Variants in IMMP2L observed in about 807,000 individuals in gnomAD.
IMMP2L encodes the protein inner mitochondrial membrane peptidase subunit 2.
IMMP2L carries 18 observed loss-of-function variants against 19.3 expected under a neutral mutation model. The ratio of observed to expected loss-of-function variants is 0.93; its 90% CI spans 0.64 to 1.38. The LOEUF (loss-of-function observed/expected upper bound fraction) is 1.38, where lower values mean the gene tolerates loss of function less well. Ranked by LOEUF, IMMP2L falls within the 40% of genes most tolerant of loss-of-function variation. The pLI, the probability that IMMP2L is intolerant of heterozygous loss-of-function variation, is 0.00. For synonymous variants in IMMP2L, 76 were observed against 73.0 expected (o/e 1.04, Z -0.21); for missense variants, 233 against 218.2 (o/e 1.07, Z -0.43).
chr7:111,172,881 G>T (rs1158888991), intron 3 of IMMP2L, among the ~76,000 whole-genome samples: 1 of 151,526 alleles, frequency 6.6e-6, no homozygotes, highest in Non-Finnish European at 1.5e-5. Flanking sequence ...CTTGAAATTG[G>T]CAAAATGGCA....
intron 3 of IMMP2L, among the ~76,000 whole-genome samples, chr7:111,152,824 C>T (rs1288675909): frequency 6.6e-6 from 1 of 152,104 alleles, no homozygotes; most frequent in East Asian, 1.9e-4. Context: ...TCTATCTCTA[C>T]TGAATTATGA....
At chr7:111,474,342 T>G (rs1841532205) in intron 3 of IMMP2L, among the ~76,000 whole-genome samples, 2 of 152,100 alleles carry the variant, frequency 1.3e-5, no homozygotes, top group South Asian at 4.2e-4. Context: ...AAATTACTTT[T>G]TTTAAAGTCC....
At chr7:110,971,026 C>A (rs1304449428) in intron 3 of IMMP2L, among the ~76,000 whole-genome samples, 3 of 152,100 alleles carry the variant, frequency 2.0e-5, no homozygotes, top group Non-Finnish European at 4.4e-5. Context: ...CAAACCATAT[C>A]CATTGCCATC....
intron 3 of IMMP2L, among the ~76,000 whole-genome samples, chr7:111,212,087 C>G (rs1811382757): frequency 3.3e-5 from 5 of 152,022 alleles, no homozygotes; most frequent in Admixed American, 3.3e-4. Context: ...TTAAATCATC[C>G]TAAGCATTTG....
chr7:111,417,327 C>A (rs112826759), intron 3 of IMMP2L, among the ~76,000 whole-genome samples: 2 of 151,688 alleles, frequency 1.3e-5, no homozygotes, highest in African/African-American at 4.9e-5. Flanking sequence ...GGGTGGAGGG[C>A]GTCACAGTGA....
chr7:111,139,852 G>C (rs984464767), intron 3 of IMMP2L, among the ~76,000 whole-genome samples: 13 of 152,094 alleles, frequency 8.5e-5, no homozygotes, highest in African/African-American at 2.9e-4. Flanking sequence ...CCCAGCAAAA[G>C]GAAAAACTAG....
At chr7:111,496,378 T>C (rs990685174) in intron 2 of IMMP2L, among the ~76,000 whole-genome samples, 3 of 152,112 alleles carry the variant, frequency 2.0e-5, no homozygotes, top group Admixed American at 2.0e-4. Context: ...TGATGGTTAA[T>C]TTTAGGTGTC....
chr7:111,493,526 C>A (rs1036400241), intron 2 of IMMP2L, among the ~76,000 whole-genome samples: 2 of 149,660 alleles, frequency 1.3e-5, no homozygotes, highest in East Asian at 2.0e-4. Context: ...CACGGTGAAA[C>A]CCCGTCTCTA....
At chr7:110,755,326 A>G (rs1797975176) in intron 5 of IMMP2L, among the ~76,000 whole-genome samples, 2 of 152,108 alleles carry the variant, frequency 1.3e-5, no homozygotes, top group South Asian at 4.1e-4. Flanking sequence ...GAAAAATAAA[A>G]CTAGCTGCCA....
intron 3 of IMMP2L, among the ~76,000 whole-genome samples, chr7:111,275,808 A>C (rs1315063064): frequency 6.6e-6 from 1 of 152,026 alleles, no homozygotes; most frequent in Non-Finnish European, 1.5e-5. Flanking sequence ...AGCTATTGTA[A>C]ATGGGATTGT....
rs759867388 is a variant in IMMP2L, at chr7:110,839,627, C to T, written c.408+46966G>A. On this transcript the variant is annotated intron_variant, in intron 5 of 5. Transcript: ENST00000405709. ...GCACATAAATGCTTAAACGTGTGCACATATATTTTAATTAATATTAAACAC... is the reference window on the plus strand; with the variant it reads ...GCACATAAATGCTTAAACGTGTGCATATATATTTTAATTAATATTAAACAC... 4.9e-4 allele frequency among the ~76,000 whole-genome samples: 74 copies of T among 151,902 alleles called. 1 individual carries two copies. Among genetic ancestry groups the T allele is most frequent in the Non-Finnish European group, 1.2e-4 (8 of 67,986 alleles).
intron 3 of IMMP2L, among the ~76,000 whole-genome samples, chr7:111,451,714 A>G (rs76746676): frequency 1.9e-5 from 2 of 103,756 alleles, no homozygotes; most frequent in East Asian, 4.4e-4. Context: ...AAGTATAATT[A>G]AAAAAAAAAA....
chr7:111,218,443 T>A (rs1812186033), intron 3 of IMMP2L, among the ~76,000 whole-genome samples: 1 of 144,474 alleles, frequency 6.9e-6, no homozygotes, highest in Admixed American at 7.0e-5. Flanking sequence ...CACCATATTT[T>A]CAAAAGTTTT....
rs1881166 is a variant in IMMP2L, at chr7:110,757,537, C to T, written c.409-93816G>A. Reference sequence around the variant, plus strand: ...GTGGGCTCCTTTGCCCTCTGGCTTCCGATTTGGTACACATAATGAGGATCC... The same window carrying T: ...GTGGGCTCCTTTGCCCTCTGGCTTCTGATTTGGTACACATAATGAGGATCC... On this transcript the variant is annotated intron_variant, in intron 5 of 5. Transcript: ENST00000405709. The surrounding 1 kb of genome is among the most constrained non-coding windows in gnomAD (Gnocchi z 4.2). Among the ~76,000 whole-genome samples the T allele has an allele frequency of 0.96, 146,150 of 152,086 alleles. 70,235 individuals carry two copies. Among genetic ancestry groups the T allele is most frequent in the East Asian group, 0.98 (5,001 of 5,120 alleles).
intron 5 of IMMP2L, among the ~76,000 whole-genome samples, chr7:110,841,948 A>T (rs528730603): frequency 7.0e-4 from 106 of 152,314 alleles, no homozygotes; most frequent in Non-Finnish European, 1.3e-3. Context: ...TCAAATTTAT[A>T]AAGTACACTC....
At chr7:111,490,093 C>T (rs1370012996) in intron 2 of IMMP2L, among the ~76,000 whole-genome samples, 1 of 149,260 alleles carries the variant, frequency 6.7e-6, no homozygotes, top group Non-Finnish European at 1.5e-5. Context: ...ACCACGCCTG[C>T]CCTCTTTTTT....
At chr7:110,930,697 T>C (rs552111320) in intron 4 of IMMP2L, among the ~76,000 whole-genome samples, 2 of 152,298 alleles carry the variant, frequency 1.3e-5, no homozygotes, top group Non-Finnish European at 2.9e-5. Flanking sequence ...TAGAAGATGG[T>C]AGAATTGCCA....
At chr7:110,672,936 C>T (rs954774636) in intron 5 of IMMP2L, among the ~76,000 whole-genome samples, 6 of 152,146 alleles carry the variant, frequency 3.9e-5, no homozygotes, top group Non-Finnish European at 8.8e-5. Context: ...GTGGATCTAC[C>T]ATTTTGGGGT....
chr7:110,986,615 A>G (rs79685033), intron 3 of IMMP2L, among the ~76,000 whole-genome samples: 3,822 of 152,254 alleles, frequency 0.025, 133 homozygotes, highest in African/African-American at 0.086. Context: ...TCCAGCTAAC[A>G]GAATTTTTAA....
Sources: gnomAD v4.1 joint callset for allele counts (sites outside exome capture counted in the v4.1 genomes callset) on GRCh38, gnomAD v4.1.1 for gene constraint, Gnocchi (gnomAD v3.1) non-coding constraint, MANE v1.5 for transcripts, NCBI Gene and HGNC (gene_info 2026-07-23, HGNC 2026-07-21) for gene names.